Variants in NALF1 observed in about 807,000 individuals in gnomAD.
NALF1 encodes the protein NALCN channel auxiliary factor 1.
Under a neutral mutation model 48.4 loss-of-function variants are expected in NALF1, and 3 were observed. The observed-to-expected ratio is 0.06, with a 90% CI of 0.03 to 0.16. NALF1 has a LOEUF of 0.16. NALF1 is among the 10% of genes least tolerant of loss of function. The pLI is 1.00. For missense variants in NALF1, 526 were observed against 571.5 expected (o/e 0.92, Z 0.81); for synonymous variants, 262 against 245.7 (o/e 1.07, Z -0.62).
At chr13:107,586,649 T>TTTTTTTTTTTTTTTTTTTTTTA (rs1878467473) in intron 1 of NALF1, among the ~76,000 whole-genome samples, 2 of 146,864 alleles carry the variant, frequency 1.4e-5, no homozygotes, top group African/African-American at 5.1e-5. Flanking sequence ...TTTTTTTTTT[T>TTTTTTTTTTTTTTTTTTTTTTA]GCTAGGAATG....
chr13:107,776,014 A>G (rs1192430948), intron 1 of NALF1, among the ~76,000 whole-genome samples: 1 of 152,200 alleles, frequency 6.6e-6, no homozygotes, highest in Non-Finnish European at 1.5e-5. Context: ...TTTTCTCTCA[A>G]GTCAACTGTA....
At chr13:107,603,094 T>A (rs1594154338) in intron 1 of NALF1, among the ~76,000 whole-genome samples, 1 of 152,138 alleles carries the variant, frequency 6.6e-6, no homozygotes, top group East Asian at 1.9e-4. Context: ...TTACTGCTTA[T>A]TGTTTTATAA....
intron 1 of NALF1, among the ~76,000 whole-genome samples, chr13:107,694,025 T>C (rs1881638972): frequency 6.6e-6 from 1 of 152,190 alleles, no homozygotes; most frequent in Non-Finnish European, 1.5e-5. Context: ...AACACCTGAC[T>C]TTGTACTTTA....
At chr13:107,288,059 T>C (rs1464013525) in intron 1 of NALF1, among the ~76,000 whole-genome samples, 1 of 152,088 alleles carries the variant, frequency 6.6e-6, no homozygotes, top group Non-Finnish European at 1.5e-5. Context: ...GACTTCATTC[T>C]TCCCATATAG....
intron 1 of NALF1, among the ~76,000 whole-genome samples, chr13:107,241,991 T>C (rs112839425): frequency 4.7e-4 from 71 of 152,308 alleles, no homozygotes; most frequent in African/African-American, 1.6e-3. Context: ...CTGCTGACTC[T>C]AGATGATATT....
chr13:107,453,724 T>C (rs1455212406), intron 1 of NALF1, among the ~76,000 whole-genome samples: 1 of 152,252 alleles, frequency 6.6e-6, no homozygotes, highest in East Asian at 1.9e-4. Context: ...TTTTCTTTTC[T>C]ACCACATCAT....
chr13:107,263,978 C>T (rs547638268), intron 1 of NALF1, among the ~76,000 whole-genome samples: 14 of 152,274 alleles, frequency 9.2e-5, no homozygotes, highest in South Asian at 2.1e-4. Flanking sequence ...ATGGTTCACC[C>T]GGCCTTATGG....
At chr13:107,254,062 A>AAAAAAAATATATATATATATAT in intron 1 of NALF1, among the ~76,000 whole-genome samples, 2 of 138,582 alleles carry the variant, frequency 1.4e-5, no homozygotes, top group African/African-American at 5.4e-5. Context: ...CAAGTACTAA[A>AAAAAAAATATATATATATATAT]ATATATATAT....
chr13:107,442,954 T>C (rs1255611372), intron 1 of NALF1, among the ~76,000 whole-genome samples: 1 of 152,088 alleles, frequency 6.6e-6, no homozygotes, highest in Non-Finnish European at 1.5e-5. Flanking sequence ...GAACAACAGT[T>C]TATTGGAGTA....
chr13:107,528,101 T>C (rs1876503354), intron 1 of NALF1, among the ~76,000 whole-genome samples: 3 of 152,242 alleles, frequency 2.0e-5, no homozygotes, highest in Non-Finnish European at 2.9e-5. Flanking sequence ...ATAAACATGC[T>C]TAAATAGTCA....
At chr13:107,459,283 G>T (rs1884877630) in intron 1 of NALF1, among the ~76,000 whole-genome samples, 2 of 151,998 alleles carry the variant, frequency 1.3e-5, no homozygotes. Context: ...CATCAGAGAA[G>T]ATATACAAAA....
intron 1 of NALF1, among the ~76,000 whole-genome samples, chr13:107,865,407 A>T (rs1290705794): frequency 2.0e-5 from 3 of 152,120 alleles, no homozygotes; most frequent in Non-Finnish European, 4.4e-5. Flanking sequence ...CAACTGCATG[A>T]ATGTAAGAAA....
intron 1 of NALF1, among the ~76,000 whole-genome samples, chr13:107,634,816 A>C (rs1225470686): frequency 6.6e-6 from 1 of 152,168 alleles, no homozygotes; most frequent in Non-Finnish European, 1.5e-5. Context: ...TGTTGATGTC[A>C]CATGCTATAG....
chr13:107,721,145 C>T lies in NALF1; in HGVS notation c.915+144537G>A, dbSNP rs1822555088. Among the ~76,000 whole-genome samples, 3 of 143,728 alleles carry T rather than the reference C, an allele frequency of 2.1e-5. No individual in the cohort carries two copies. In the Admixed American group the frequency reaches 2.1e-4, roughly 10 times the overall value. The allele number at this position is 143,728 out of a possible 152,430, so 94.3% of individuals were successfully genotyped here. On this transcript the variant is annotated intron_variant, in intron 1 of 2. Transcript: ENST00000375915. ...ACACACACACACACACACACACACA[C>T]ACACGTAATGAAATAATCATAACTC...
intron 1 of NALF1, among the ~76,000 whole-genome samples, chr13:107,823,121 C>T (rs1255268116): frequency 6.6e-6 from 1 of 152,224 alleles, no homozygotes; most frequent in African/African-American, 2.4e-5. Flanking sequence ...CTAATTTCCT[C>T]ATCAGTATCT....
intron 1 of NALF1, among the ~76,000 whole-genome samples, chr13:107,611,146 T>C (rs1879214462): frequency 6.6e-6 from 1 of 152,304 alleles, no homozygotes; most frequent in South Asian, 2.1e-4. Flanking sequence ...TCCTGGTATT[T>C]AGCAGTCCTT....
chr13:107,436,554 C>T (rs977406207), intron 1 of NALF1, among the ~76,000 whole-genome samples: 1 of 152,062 alleles, frequency 6.6e-6, no homozygotes, highest in Non-Finnish European at 1.5e-5. Context: ...TGTCAGGAAA[C>T]AACGAATAAA....
At chr13:107,230,507 T>G (rs192008277) in intron 1 of NALF1, among the ~76,000 whole-genome samples, 1 of 152,222 alleles carries the variant, frequency 6.6e-6, no homozygotes, top group Admixed American at 6.5e-5. Flanking sequence ...CTCATTATTA[T>G]TATTATTATT....
intron 1 of NALF1, among the ~76,000 whole-genome samples, chr13:107,458,449 C>T (rs1004683999): frequency 6.6e-6 from 1 of 152,146 alleles, no homozygotes; most frequent in Admixed American, 6.5e-5. Flanking sequence ...TAACCACTGT[C>T]GCCGGCAATA....
Sources: allele counts gnomAD v4.1 joint callset (sites outside exome capture counted in the v4.1 genomes callset), GRCh38; gene constraint gnomAD v4.1.1; transcripts MANE v1.5; gene names NCBI Gene and HGNC (gene_info 2026-07-23, HGNC 2026-07-21).